Variants in THSD7B observed in about 807,000 individuals in gnomAD.
THSD7B encodes the protein thrombospondin type-1 domain-containing protein 7B.
A neutral mutation model predicts 213.6 loss-of-function variants in THSD7B; 138 were observed. The ratio of observed to expected loss-of-function variants is 0.65; its 90% confidence interval spans 0.56 to 0.74. THSD7B has a LOEUF of 0.74. THSD7B is among the 30% of genes least tolerant of loss of function. The pLI is 0.00. For missense variants in THSD7B, 1,931 were observed against 1,991.5 expected (o/e 0.97, Z 0.58); for synonymous variants, 742 against 687.0 (o/e 1.08, Z -1.25).
At chr2:137,544,155 C>T (rs1217195919) in intron 15 of THSD7B, among the ~76,000 whole-genome samples, 1 of 151,650 alleles carries the variant, frequency 6.6e-6, no homozygotes, top group Non-Finnish European at 1.5e-5. Context: ...CATGCAAAAA[C>T]TTGCATATAA....
chr2:136,981,555 G>C (rs1685578268), intron 2 of THSD7B, among the ~76,000 whole-genome samples: 1 of 152,128 alleles, frequency 6.6e-6, no homozygotes. Flanking sequence ...GGTGCTCTTA[G>C]ACATGGAATA....
At chr2:137,412,628 C>A (rs1012042519) in intron 14 of THSD7B, among the ~76,000 whole-genome samples, 2,572 of 80,636 alleles carry the variant, frequency 0.032, 272 homozygotes, top group East Asian at 0.053. Flanking sequence ...AAACAAAAAA[C>A]AGTTTTACTA....
chr2:136,908,442 G>A (rs899292916), intron 2 of THSD7B, among the ~76,000 whole-genome samples: 1 of 152,154 alleles, frequency 6.6e-6, no homozygotes. Flanking sequence ...ATTTGAACTA[G>A]AATATAATTG....
chr2:137,533,779 T>C (rs28656045), intron 15 of THSD7B, among the ~76,000 whole-genome samples: 29,144 of 151,852 alleles, frequency 0.19, 2,963 homozygotes, highest in South Asian at 0.28. Flanking sequence ...AAGTTGCATA[T>C]GATTAAAAGG....
rs1321325559 is a variant in THSD7B at position 136,977,797 on chromosome 2, C to CTTTGTTTT, written c.140-78619_140-78612dup. Among the ~76,000 whole-genome samples, 22 of 41,302 alleles carry CTTTGTTTT rather than the reference C, an allele frequency of 5.3e-4. No homozygotes were observed. The East Asian group carries it at 5.9e-3, about 11-fold the overall frequency. 27.1% of individuals were successfully genotyped at this position (41,302 alleles called of 152,430 possible). On this transcript the variant is annotated intron_variant, in intron 2 of 27. Transcript: ENST00000409968. ...TTGAATGAGTTTCTTTTTTTCTTTT[C>CTTTGTTTT]TTTGTTTTTTTTTTTTTTTTTTTTT...
rs369010633 is a variant in THSD7B, at chr2:137,336,478, A to G, written c.2500+60452A>G. On this transcript the variant is annotated intron_variant, in intron 12 of 27. Transcript: ENST00000409968. ...TTCCCTTTGCATCAGAAGATAATTT[A>G]CAGAGATGGTGTTAAAGAACTTAAA... Among the ~76,000 whole-genome samples the G allele has an allele frequency of 2.0e-5, 3 of 152,202 alleles. No homozygotes were observed. The East Asian group carries it at 5.8e-4, about 29-fold the overall frequency.
intron 5 of THSD7B, among the ~76,000 whole-genome samples, chr2:137,148,887 G>C (rs149234025): frequency 6.6e-6 from 1 of 152,328 alleles, no homozygotes; most frequent in African/African-American, 2.4e-5. Context: ...AATTCAAGCT[G>C]GCTGCAGAAA....
chr2:137,649,635 C>T (rs902930956), intron 21 of THSD7B, among the ~76,000 whole-genome samples: 1 of 152,124 alleles, frequency 6.6e-6, no homozygotes, highest in Non-Finnish European at 1.5e-5. Context: ...TTTTATCATG[C>T]ATATAAGTCT....
chr2:137,157,401 G>A (rs934484244), intron 5 of THSD7B, among the ~76,000 whole-genome samples: 7 of 152,150 alleles, frequency 4.6e-5, no homozygotes, highest in African/African-American at 1.4e-4. Context: ...GGCTAAAAAT[G>A]TTGAAGGACA....
chr2:137,317,748 C>G (rs575284591), intron 12 of THSD7B, among the ~76,000 whole-genome samples: 1 of 152,144 alleles, frequency 6.6e-6, no homozygotes, highest in East Asian at 1.9e-4. Flanking sequence ...GACCTTGTCT[C>G]TATAAAAAAT....
intron 5 of THSD7B, among the ~76,000 whole-genome samples, chr2:137,154,734 TA>T (rs1314753676): frequency 2.0e-5 from 3 of 152,222 alleles, no homozygotes; most frequent in African/African-American, 7.2e-5. Flanking sequence ...CACATACTAA[TA>T]ATCACAACAG....
chr2:136,995,727 C>T (rs1024239299), intron 2 of THSD7B, among the ~76,000 whole-genome samples: 3 of 152,114 alleles, frequency 2.0e-5, no homozygotes, highest in Admixed American at 2.0e-4. Context: ...CTCACCCAGA[C>T]CTCACCTAAC....
intron 10 of THSD7B, among the ~76,000 whole-genome samples, chr2:137,246,528 G>A (rs568136933): frequency 1.9e-3 from 292 of 152,212 alleles, no homozygotes; most frequent in Non-Finnish European, 3.2e-3. Flanking sequence ...ATTTTGTCCC[G>A]GCTTGATTCA....
At chr2:137,052,771 G>T (rs1687092354) in intron 2 of THSD7B, among the ~76,000 whole-genome samples, 1 of 152,092 alleles carries the variant, frequency 6.6e-6, no homozygotes, top group South Asian at 2.1e-4. Flanking sequence ...ACTCATGTAT[G>T]TATTGAAAGT....
intron 1 of THSD7B, among the ~76,000 whole-genome samples, chr2:136,872,649 TCTC>T (rs911000850): frequency 1.2e-4 from 18 of 150,696 alleles, no homozygotes; most frequent in African/African-American, 4.4e-4. Flanking sequence ...CTTTTCTCTC[TCTC>T]CTCTCTCTTC....
At chr2:137,508,376 AT>A (rs11383871) in intron 15 of THSD7B, among the ~76,000 whole-genome samples, 2,143 of 107,888 alleles carry the variant, frequency 0.02, 38 homozygotes, top group African/African-American at 0.072. Flanking sequence ...AAATAAAACA[AT>A]TTTTTTTTTT....
At chr2:136,961,949 T>C (rs1031781624) in intron 2 of THSD7B, among the ~76,000 whole-genome samples, 11 of 152,220 alleles carry the variant, frequency 7.2e-5, no homozygotes, top group Admixed American at 1.3e-4. Context: ...GCCCAGGATG[T>C]ATGAGTATGC....
chr2:137,315,401 A>G (rs1314127608), intron 12 of THSD7B, among the ~76,000 whole-genome samples: 1 of 152,160 alleles, frequency 6.6e-6, no homozygotes, highest in Admixed American at 6.5e-5. Context: ...ACCTGCGCCC[A>G]CTGTCTGGCA....
intron 6 of THSD7B, among the ~76,000 whole-genome samples, 154 bp from the exon 7 acceptor site, chr2:137,170,586 TC>T (rs1680226064): frequency 6.6e-6 from 1 of 152,102 alleles, no homozygotes; most frequent in African/African-American, 2.4e-5. Context: ...CTACATCTCA[TC>T]CTCTCACTTC....
Sources: allele counts gnomAD v4.1 joint callset (sites outside exome capture counted in the v4.1 genomes callset), GRCh38; gene constraint gnomAD v4.1.1; transcripts MANE v1.5; gene names NCBI Gene and HGNC (gene_info 2026-07-23, HGNC 2026-07-21).